The following DMD variants were observed in gnomAD, a reference collection of about 807,000 sequenced individuals.
DMD encodes the protein dystrophin, also known as mutant dystrophin.
A neutral mutation model predicts 330.1 loss-of-function variants in DMD; 63 were observed. The observed-to-expected ratio is 0.19, with a 90% CI of 0.16 to 0.24. The LOEUF is 0.24. DMD is among the 10% of genes least tolerant of loss of function. The pLI is 1.00. For missense variants in DMD, 3,344 were observed against 2,684.1 expected, an observed-to-expected ratio of 1.25 and a Z score of -5.43; for synonymous variants, 1,223 against 959.8, an observed-to-expected ratio of 1.27 and a Z score of -5.07.
At chrX:31,965,063 T>C (rs1458728061) in intron 45 of DMD, among the ~76,000 whole-genome samples, 2 of 111,824 alleles carry the variant, frequency 1.8e-5, no homozygotes, top group Non-Finnish European at 3.8e-5. Context: ...ATTCAAACTT[T>C]TATCAACTGA....
intron 3 of DMD, among the ~76,000 whole-genome samples, chrX:32,848,278 G>A (rs1478747471): frequency 8.9e-6 from 1 of 111,791 alleles, no homozygotes; most frequent in Non-Finnish European, 1.9e-5. Context: ...ACTGACTTCA[G>A]AATACAGGAG....
At chrX:32,323,094 G>A (rs899415661) in intron 41 of DMD, among the ~76,000 whole-genome samples, 1 of 111,783 alleles carries the variant, frequency 8.9e-6, no homozygotes, top group Non-Finnish European at 1.9e-5. Flanking sequence ...TGTCTGCACT[G>A]AACATGTACA....
chrX:31,581,322 T>C (rs1366013034), intron 55 of DMD, among the ~76,000 whole-genome samples: 2 of 112,378 alleles, frequency 1.8e-5, no homozygotes, highest in East Asian at 2.8e-4. Context: ...GAAGATTTAA[T>C]GTCAAATACA....
At chrX:31,425,802 C>T (rs1198845067) in intron 60 of DMD, among the ~76,000 whole-genome samples, 2 of 110,323 alleles carry the variant, frequency 1.8e-5, no homozygotes, top group Non-Finnish European at 3.8e-5. Flanking sequence ...GGGAAGCCAT[C>T]TTGGGACCAT....
intron 41 of DMD, among the ~76,000 whole-genome samples, chrX:32,335,884 A>G (rs2097708938): frequency 9.5e-6 from 1 of 105,088 alleles, no homozygotes. Flanking sequence ...ATAACATGTT[A>G]TATATAACAT....
At chrX:32,141,748 A>G (rs765150546) in intron 44 of DMD, among the ~76,000 whole-genome samples, 2 of 109,961 alleles carry the variant, frequency 1.8e-5, no homozygotes, top group African/African-American at 3.3e-5. Flanking sequence ...TTCTCAAATA[A>G]TAGACACTCA....
intron 52 of DMD, among the ~76,000 whole-genome samples, chrX:31,717,045 G>A (rs2085118426): frequency 9.0e-6 from 1 of 110,777 alleles, no homozygotes; most frequent in Admixed American, 9.6e-5. Flanking sequence ...TTGATAGTTG[G>A]TTCTCTCATT....
At chrX:33,068,940 T>C (rs1268371358) in intron 1 of DMD, among the ~76,000 whole-genome samples, 1 of 112,118 alleles carries the variant, frequency 8.9e-6, no homozygotes, top group Non-Finnish European at 1.9e-5. Flanking sequence ...CCTTGACTTG[T>C]AGACCTCCAT....
intron 2 of DMD, among the ~76,000 whole-genome samples, chrX:33,006,725 G>A (rs1426853199): frequency 9.0e-6 from 1 of 110,985 alleles, no homozygotes; most frequent in Non-Finnish European, 1.9e-5. Context: ...ATTTATTCTT[G>A]TTCTTGAGGA....
intron 1 of DMD, among the ~76,000 whole-genome samples, chrX:33,145,804 A>G (rs2047999247): frequency 9.0e-6 from 1 of 110,601 alleles, no homozygotes; most frequent in African/African-American, 3.3e-5. Context: ...ACACACCACA[A>G]AATTCACTCT....
At chrX:32,960,772 G>C (rs756885504) in intron 2 of DMD, among the ~76,000 whole-genome samples, 11 of 110,291 alleles carry the variant, frequency 1.0e-4, no homozygotes, top group Non-Finnish European at 1.9e-4. Flanking sequence ...CTTATCTTTG[G>C]ATAACTGGTT....
intron 70 of DMD, chrX:31,178,398 C>T (rs2040771041): frequency 1.1e-6 from 1 of 948,105 alleles, no homozygotes; most frequent in Admixed American, 5.2e-5. Flanking sequence ...TCTTATAAGG[C>T]TTGTAAGGCA....
intron 1 of DMD, among the ~76,000 whole-genome samples, chrX:33,277,575 C>T (rs1480919936): frequency 2.7e-5 from 3 of 110,633 alleles, no homozygotes. Flanking sequence ...TCTTTCACAA[C>T]GTGTTTATGA....
rs138168814 is a variant in DMD, at chrX:32,807,784, G to T, written c.649+1709C>A. On this transcript the variant is annotated intron_variant, in intron 7 of 78. Coordinates refer to ENST00000357033, the MANE Select transcript of DMD (RefSeq NM_004006.3). ...ATGCCCATTTAGGCACTCCTATTCTGTAAGTTCAAAGGAGCACTAGAGGTC... is the reference window on the plus strand; with the variant it reads ...ATGCCCATTTAGGCACTCCTATTCTTTAAGTTCAAAGGAGCACTAGAGGTC... Among the ~76,000 whole-genome samples, 159 of 111,402 alleles carry T rather than the reference G, an allele frequency of 1.4e-3. 1 individual carries two copies. The East Asian group carries it at 0.039, about 27-fold the overall frequency.
rs766322442 is a variant in DMD at position 32,252,677 on chromosome X, A to AATATATATAAAT, written c.6290+34851_6290+34852insATTTATATATAT. ...ACAAATATATAAATATATATATATA[A>AATATATATAAAT]ATATATAAATATATATATAAATATA... On this transcript the variant is annotated intron_variant, in intron 43 of 78. Transcript: ENST00000357033. Among the ~76,000 whole-genome samples the AATATATATAAAT allele has an allele frequency of 2.1e-4, 7 of 33,570 alleles. 1 individual carries two copies. The highest frequency in any genetic ancestry group is 2.3e-3 in the South Asian group (2 of 880). 29.2% of individuals were successfully genotyped at this position (33,570 alleles called of 115,157 possible).
At chrX:32,038,359 A>G (rs2178535) in intron 44 of DMD, among the ~76,000 whole-genome samples, 4,113 of 111,743 alleles carry the variant, frequency 0.037, 70 homozygotes, top group Non-Finnish European at 0.059. Flanking sequence ...ATACATTAGC[A>G]ATGATCTTGT....
In DMD at chrX:32,447,919, A is replaced by T. The variant is rs2098312332; in HGVS notation, c.3786+537T>A. ...GTTAAAGCAGAAGTTGTGATAATAC[A>T]TAAATATAATGCAAACCATCAAAAA... is the stretch of plus-strand genomic sequence containing the variant. On this transcript the variant is annotated intron_variant, in intron 27 of 78. Transcript: ENST00000357033. Among the ~76,000 whole-genome samples, 3 of 111,524 alleles carry T rather than the reference A, an allele frequency of 2.7e-5. No individual in the cohort carries two copies. The South Asian group carries it at 1.1e-3, about 41-fold the overall frequency.
chrX:33,001,240 G>T (rs2093271827), intron 2 of DMD, among the ~76,000 whole-genome samples: 1 of 111,715 alleles, frequency 9.0e-6, no homozygotes, highest in Non-Finnish European at 1.9e-5. Context: ...GCTGGGTCCT[G>T]CCTATTAGGA....
At chrX:31,662,293 G>A (rs1233938828) in intron 53 of DMD, among the ~76,000 whole-genome samples, 1 of 111,534 alleles carries the variant, frequency 9.0e-6, no homozygotes. Flanking sequence ...ATCATCATCA[G>A]CATCAGCATC....
Sources: allele counts gnomAD v4.1 joint callset (sites outside exome capture counted in the v4.1 genomes callset), GRCh38; gene constraint gnomAD v4.1.1; transcripts MANE v1.5; gene names NCBI Gene and HGNC (gene_info 2026-07-23, HGNC 2026-07-21).